Variants in DHX16 observed in about 807,000 individuals in gnomAD.
DHX16 encodes the protein DEAH-box helicase 16.
DHX16 carries 81 observed loss-of-function variants against 131.2 expected under a neutral mutation model. That is an observed-to-expected ratio of 0.62 (90% CI 0.52 to 0.74). DHX16 has a LOEUF of 0.74. Ranked by LOEUF, DHX16 falls within the 30% of genes least tolerant of loss-of-function variation. The pLI, the probability that DHX16 is intolerant of heterozygous loss-of-function variation, is 0.00. For missense variants in DHX16, 980 were observed against 1,363.1 expected (o/e 0.72, Z 4.43); for synonymous variants, 440 against 520.2 (o/e 0.85, Z 2.10).
At chr6:30,663,772 A>T (rs1282360925) in intron 7 of DHX16, among the ~76,000 whole-genome samples, 1 of 151,374 alleles carries the variant, frequency 6.6e-6, no homozygotes, top group Non-Finnish European at 1.5e-5. Context: ...AACACCTGTA[A>T]CTCCAGCACT....
rs751134360 is a variant in DHX16, at chr6:30,662,892, G to C, written c.1428+19C>G. On this transcript the variant is annotated intron_variant, in intron 8 of 19. Transcript: ENST00000376442. This position sits in a 1 kb window ranked among gnomAD's most constrained non-coding sequence, Gnocchi z 4.7. ...TCACAGACCCCAGACTCTACCCCCC[G>C]GTTCCCTAGAAATCTCACCTCATTC... 1 of 1,608,550 alleles carries C rather than the reference G, an allele frequency of 6.2e-7. No individual in the cohort carries two copies. Among genetic ancestry groups the C allele is most frequent in the Non-Finnish European group, 8.5e-7 (1 of 1,176,544 alleles).
chr6:30,656,383 C>G lies in DHX16; in HGVS notation c.2430+8G>C. 1.2e-6 allele frequency: 2 copies of G among 1,613,368 alleles called. No individual in the cohort carries two copies. The highest frequency in any genetic ancestry group is 8.5e-7 in the Non-Finnish European group (1 of 1,179,426). ...TCCTGCCTCCACCCATGCTGTCCCC[C>G]GACTCACCGTGGTGAGCTCCCCAAG... On this transcript the variant is annotated splice_region_variant and intron_variant, in intron 15 of 19. Coordinates refer to ENST00000376442, the MANE Select transcript of DHX16 (RefSeq NM_003587.5). The surrounding 1 kb of genome is among the most constrained non-coding windows in gnomAD (Gnocchi z 5.1).
chr6:30,664,898 T>C lies in DHX16; in HGVS notation c.1220A>G (p.Glu407Gly), dbSNP rs1453609185. 6.2e-7 allele frequency: 1 copy of C among 1,613,426 alleles called. No individual in the cohort carries two copies. The highest frequency in any genetic ancestry group is 1.7e-5 in the Admixed American group (1 of 60,016). The part of the protein sequence containing the change: ...RSLPVFPFRE[E>G]LLAAIANHQV... ...GTGATTTGCAATAGCAGCCAGGAGC[T>C]CCTCTCGAAATGGGAACACCGGGAG... is the stretch of plus-strand genomic sequence containing the variant. Residue 407 changes from glutamate to glycine, a missense_variant, in exon 7 of 20, where the codon GAG (glutamate) becomes GGG (glycine). Glu to Gly is a moderately conservative substitution (Grantham distance 98, BLOSUM62 -2). This residue lies in a region of DHX16 where 457 missense variants were observed against 554.8 expected (regional missense o/e 0.82). Coordinates refer to ENST00000376442, the MANE Select transcript of DHX16 (RefSeq NM_003587.5).
In DHX16 at chr6:30,670,193, G is replaced by T. The variant is rs1404346304; in HGVS notation, c.666+217C>A. On this transcript the variant is annotated intron_variant, in intron 4 of 19. Coordinates refer to ENST00000376442, the MANE Select transcript of DHX16 (RefSeq NM_003587.5). The surrounding 1 kb of genome is among the most constrained non-coding windows in gnomAD (Gnocchi z 4.4). ...GTTAAGAGTCAAGGAGGACTTATGG[G>T]TAGCCTCCTTCCCCCTACAACTTAA... 6.6e-6 allele frequency among the ~76,000 whole-genome samples: 1 copy of T among 152,072 alleles called. No individual in the cohort carries two copies. Among genetic ancestry groups the T allele is most frequent in the Admixed American group, 6.6e-5 (1 of 15,262 alleles).
rs1769701263 is a variant in DHX16, at chr6:30,672,781, GC to G, written c.60del (p.Leu21Ter). On this transcript the variant is annotated frameshift_variant, in exon 1 of 20. Transcript: ENST00000376442. LOFTEE classifies it high-confidence loss of function. ...AACTGGGCGACGTGCCGCTCGCTCA[GC>G]CCCAACACCGAGTGCAGCTCGTCCT... ...WVQDELHSVL[G>X]LSERHVAQFL... The G allele has an allele frequency of 6.2e-7, 1 of 1,613,034 alleles. No individual in the cohort carries two copies.
chr6:30,660,028 G>A lies in DHX16; in HGVS notation c.1755+4C>T. The A allele has an allele frequency of 6.2e-7, 1 of 1,612,062 alleles. No homozygotes were observed. The highest frequency in any genetic ancestry group is 8.5e-7 in the Non-Finnish European group (1 of 1,179,320). ...ACTTAAGCCCATCCTCCCTGAGGGG[G>A]CACCTTGGTGTAGAAGATGTCCACA... On this transcript the variant is annotated splice_donor_region_variant and intron_variant, in intron 10 of 19. Transcript: ENST00000376442.
intron 12 of DHX16, among the ~76,000 whole-genome samples, chr6:30,657,638 C>T (rs1164296392): frequency 6.6e-6 from 1 of 152,134 alleles, no homozygotes; most frequent in Non-Finnish European, 1.5e-5. Flanking sequence ...ACCTCCCTCA[C>T]TCCTCCCACA....
chr6:30,672,710 C>T lies in DHX16; in HGVS notation c.132G>A (p.Val44=), dbSNP rs778377783. The T allele has an allele frequency of 2.5e-6, 4 of 1,612,968 alleles. No homozygotes were observed. Among genetic ancestry groups the T allele is most frequent in the Admixed American group, 3.3e-5 (2 of 60,008 alleles). ...AQRCTSAEEF[V]QRLRDTDTLD... ...AGGTATCAGTGTCTCGTAGGCGCTG[C>T]ACGAACTCCTCGGCAGAGGTGCAGC... The change falls in exon 1 of 20, where the codon GTG becomes GTA. Residue 44 remains valine, a synonymous_variant. Transcript: ENST00000376442.
In DHX16 at chr6:30,656,274, AAGAGAG is replaced by A. The variant is rs748417415; in HGVS notation, c.2431-15_2431-10del. On this transcript the variant is annotated splice_polypyrimidine_tract_variant and intron_variant, in intron 15 of 19. Transcript: ENST00000376442. This position sits in a 1 kb window ranked among gnomAD's most constrained non-coding sequence, Gnocchi z 5.1. ...GCCATCTTTCGACCAGACTAAGGAGAAGAGAGAGAGAGTTGAGCCCAGTCCTCCCTC... is the reference window on the plus strand; with the variant it reads ...GCCATCTTTCGACCAGACTAAGGAGAAGAGAGTTGAGCCCAGTCCTCCCTC... The A allele has an allele frequency of 6.2e-7, 1 of 1,613,220 alleles. No individual in the cohort carries two copies. Among genetic ancestry groups the A allele is most frequent in the African/African-American group, 1.3e-5 (1 of 74,838 alleles).
chr6:30,656,641 T>C lies in DHX16; in HGVS notation c.2267A>G (p.Gln756Arg). The C allele has an allele frequency of 6.2e-7, 1 of 1,614,150 alleles. No homozygotes were observed. The highest frequency in any genetic ancestry group is 8.5e-7 in the Non-Finnish European group (1 of 1,180,024). ...ELEETTVPEI[Q>R]RTSLGNVVLL... ...CACGACATTGCCCAAGCTGGTCCTC[T>C]GGATCTCAGGCACTGTGGTTTCCTC... Residue 756 changes from glutamine to arginine, a missense_variant, in exon 14 of 20, where the codon CAG (glutamine) becomes CGG (arginine). By Grantham distance (43) the Gln-to-Arg change is conservative. This residue lies in a region of DHX16 where 309 missense variants were observed against 537.1 expected (regional missense o/e 0.58). Coordinates refer to ENST00000376442, the MANE Select transcript of DHX16 (RefSeq NM_003587.5). The surrounding 1 kb of genome is among the most constrained non-coding windows in gnomAD (Gnocchi z 5.1).
intron 19 of DHX16, among the ~76,000 whole-genome samples, chr6:30,654,016 G>A (rs949632915): frequency 6.6e-6 from 1 of 152,124 alleles, no homozygotes; most frequent in Non-Finnish European, 1.5e-5. Context: ...CTACACTGGA[G>A]GCTGAGGCAG....
At position 30,657,047 on chromosome 6, in the gene DHX16, C is replaced by A. The variant is rs1768051849; in HGVS notation, c.2053G>T (p.Gly685Cys). ...CCTGGATCCAGCACATAAATGATGC[C>A]CTCAATGGTGAGTGATGTCTCAGCA... is the stretch of plus-strand genomic sequence containing the variant. ...NIAETSLTIEGIIYVLDPGFC... is the reference protein window; with the variant it reads ...NIAETSLTIECIIYVLDPGFC... The change falls in exon 13 of 20, where the codon GGC (glycine) becomes TGC (cysteine). Residue 685 changes from glycine to cysteine, a missense_variant. Gly to Cys is a radical substitution (Grantham distance 159, BLOSUM62 -3). Around this residue, in one of 3 missense-constraint regions of DHX16, gnomAD observed 309 missense variants for 537.1 expected, o/e 0.58. Coordinates refer to ENST00000376442, the MANE Select transcript of DHX16 (RefSeq NM_003587.5). The A allele has an allele frequency of 6.2e-7, 1 of 1,613,006 alleles. No homozygotes were observed. Among genetic ancestry groups the A allele is most frequent in the South Asian group, 1.1e-5 (1 of 91,080 alleles).
In DHX16 at chr6:30,665,691, T is replaced by A; in HGVS notation, c.709A>T (p.Lys237Ter). Residue 237 changes from lysine to a stop codon, truncating the protein, a stop_gained, in exon 5 of 20, where the codon AAG becomes TAG. Coordinates refer to ENST00000376442, the MANE Select transcript of DHX16 (RefSeq NM_003587.5). LOFTEE classifies it high-confidence loss of function. This position sits in a 1 kb window ranked among gnomAD's most constrained non-coding sequence, Gnocchi z 4.8. ...RKKSRREYLA[K>*]REREKLEDLE... Reference sequence around the variant, plus strand: ...TCCTCAAGCTTCTCTCGCTCCCGCTTAGCCAGGTACTCTCGGCGAGATTTC... The same window carrying A: ...TCCTCAAGCTTCTCTCGCTCCCGCTAAGCCAGGTACTCTCGGCGAGATTTC... 1 of 1,612,146 alleles carries A rather than the reference T, an allele frequency of 6.2e-7. No homozygotes were observed. Among genetic ancestry groups the A allele is most frequent in the Non-Finnish European group, 8.5e-7 (1 of 1,180,028 alleles).
At position 30,671,251 on chromosome 6, in the gene DHX16, T is replaced by G; in HGVS notation, c.231A>C (p.Glu77Asp). 6.2e-7 allele frequency: 1 copy of G among 1,612,998 alleles called. No individual in the cohort carries two copies. Among genetic ancestry groups the G allele is most frequent in the Non-Finnish European group, 8.5e-7 (1 of 1,180,008 alleles). Residue 77 changes from glutamate (E) to aspartate (D), a missense_variant, in exon 2 of 20, where the codon GAA becomes GAC. By Grantham distance (45) the Glu-to-Asp change is conservative (BLOSUM62 2). Coordinates refer to ENST00000376442, the MANE Select transcript of DHX16 (RefSeq NM_003587.5). ...WNKVPRKAVV[E>D]KPARAAEREA... ...CTCGCTCTGCTGCCCGAGCTGGCTT[T>G]TCTACCACTGCCTTTCGTGGTACCT...
At position 30,668,039 on chromosome 6, in the gene DHX16, G is replaced by T. The variant is rs376629120; in HGVS notation, c.667-2306C>A. 3.9e-5 allele frequency among the ~76,000 whole-genome samples: 6 copies of T among 152,266 alleles called. No individual in the cohort carries two copies. In the East Asian group the frequency reaches 1.2e-3, roughly 29 times the overall value. Reference sequence around the variant, plus strand: ...TAAAGTTATTTTGAGGGTAATGAGGGTATCTTTTATTGTAGAGAGATCTTA... The same window carrying T: ...TAAAGTTATTTTGAGGGTAATGAGGTTATCTTTTATTGTAGAGAGATCTTA... On this transcript the variant is annotated intron_variant, in intron 4 of 19. Transcript: ENST00000376442.
At chr6:30,671,504 C>A (rs1339178728) in intron 1 of DHX16, among the ~76,000 whole-genome samples, 2 of 151,216 alleles carry the variant, frequency 1.3e-5, no homozygotes, top group African/African-American at 2.5e-5. Flanking sequence ...CATGCCACCA[C>A]GCCCGACTAT....
chr6:30,660,221 T>C lies in DHX16; in HGVS notation c.1566A>G (p.Ala522=), dbSNP rs1356914587. The C allele has an allele frequency of 1.3e-6, 2 of 1,533,666 alleles. No individual in the cohort carries two copies. Among genetic ancestry groups the C allele is most frequent in the Non-Finnish European group, 1.8e-6 (2 of 1,139,488 alleles). The change falls in exon 10 of 20, where the codon GCA becomes GCG. Residue 522 remains alanine, a synonymous_variant. Coordinates refer to ENST00000376442, the MANE Select transcript of DHX16 (RefSeq NM_003587.5). Reference sequence around the variant, plus strand: ...TGTCTGTGTGTAGGGTCCTTTCGTGTGCCTCATCCACCATCACCACGCTGG... The same window carrying C: ...TGTCTGTGTGTAGGGTCCTTTCGTGCGCCTCATCCACCATCACCACGCTGG... ...ASYSVVMVDE[A]HERTLHTDIL...
intron 7 of DHX16, 101 bp downstream of exon 7, chr6:30,664,700 A>G (rs1410336364): frequency 6.7e-6 from 7 of 1,042,390 alleles, no homozygotes; most frequent in Non-Finnish European, 9.7e-6. Flanking sequence ...TGGAAAAGAT[A>G]GGTAAGTGAC....
chr6:30,670,686 A>C lies in DHX16; in HGVS notation c.609+104T>G. On this transcript the variant is annotated intron_variant, in intron 3 of 19. Transcript: ENST00000376442. This position sits in a 1 kb window ranked among gnomAD's most constrained non-coding sequence, Gnocchi z 4.4. ...CACAGAGGTGAACATCTCACTAGAG[A>C]CAGCCCCTTGTCTTCCCAGAGATCA... 1 of 1,495,062 alleles carries C rather than the reference A, an allele frequency of 6.7e-7. No individual in the cohort carries two copies. Among genetic ancestry groups the C allele is most frequent in the Non-Finnish European group, 9.2e-7 (1 of 1,092,874 alleles). 92.6% of individuals were successfully genotyped at this position (1,495,062 alleles called of 1,614,324 possible).
Sources: gnomAD v4.1 joint callset for allele counts (sites outside exome capture counted in the v4.1 genomes callset) on GRCh38, gnomAD v4.1.1 for gene constraint, gnomAD v4.1.1 regional missense constraint, Gnocchi (gnomAD v3.1) non-coding constraint, MANE v1.5 for transcripts, NCBI Gene and HGNC (gene_info 2026-07-23, HGNC 2026-07-21) for gene names.